ARFGEF3: variants seen among roughly 807,000 people sequenced by gnomAD.
ARFGEF3 encodes the protein brefeldin A-inhibited guanine nucleotide-exchange protein 3.
Under a neutral mutation model 221.7 loss-of-function variants are expected in ARFGEF3, and 96 were observed. The observed-to-expected ratio is 0.43, with a 90% CI of 0.37 to 0.51. The LOEUF (loss-of-function observed/expected upper bound fraction) is 0.51. ARFGEF3 is among the 20% of genes least tolerant of loss of function. The probability of loss-of-function intolerance (pLI) is 0.00; values close to 1 mark genes in which losing one functional copy is unlikely to be tolerated. For missense variants in ARFGEF3, 2,410 were observed against 2,789.9 expected (o/e 0.86, Z 3.07); for synonymous variants, 1,145 against 1,126.8 (o/e 1.02, Z -0.32).
chr6:138,189,322 A>G (rs1024965283), intron 2 of ARFGEF3, among the ~76,000 whole-genome samples: 2 of 152,228 alleles, frequency 1.3e-5, no homozygotes, highest in South Asian at 2.1e-4. Context: ...GTATTGACAC[A>G]TCATGTCACT....
intron 12 of ARFGEF3, among the ~76,000 whole-genome samples, chr6:138,271,291 A>G (rs560893061): frequency 1.9e-4 from 29 of 152,280 alleles, no homozygotes; most frequent in Admixed American, 1.5e-3. Context: ...ACGTAGTAAG[A>G]CCTCGTCTCT....
In ARFGEF3 at chr6:138,196,927, G is replaced by A. The variant is rs183742780; in HGVS notation, c.138-10115G>A. On this transcript the variant is annotated intron_variant, in intron 2 of 33. Coordinates refer to ENST00000251691, the MANE Select transcript of ARFGEF3 (RefSeq NM_020340.5). ...CGGCTCACCGCAACCTCCGCCTCCCGGGTTCAAACGATTCTCCTGCCTCAG... is the reference window on the plus strand; with the variant it reads ...CGGCTCACCGCAACCTCCGCCTCCCAGGTTCAAACGATTCTCCTGCCTCAG... Among the ~76,000 whole-genome samples, 395 of 151,706 alleles carry A rather than the reference G, an allele frequency of 2.6e-3. 1 individual carries two copies. Among genetic ancestry groups the A allele is most frequent in the Middle Eastern group, 0.01 (3 of 294 alleles).
intron 18 of ARFGEF3, 27 bp downstream of exon 18, chr6:138,289,995 T>G: frequency 6.3e-7 from 1 of 1,598,346 alleles, no homozygotes; most frequent in Non-Finnish European, 8.5e-7. Flanking sequence ...CACCCCCAGA[T>G]GGCACTAACC....
At chr6:138,251,283 G>A (rs1399496208) in intron 8 of ARFGEF3, among the ~76,000 whole-genome samples, 1 of 152,104 alleles carries the variant, frequency 6.6e-6, no homozygotes, top group Non-Finnish European at 1.5e-5. Flanking sequence ...AGTTGTTTTC[G>A]TTTTGTGATG....
chr6:138,301,828 C>T (rs1349890846), intron 22 of ARFGEF3, among the ~76,000 whole-genome samples: 3 of 152,166 alleles, frequency 2.0e-5, no homozygotes, highest in Non-Finnish European at 4.4e-5. Flanking sequence ...TTTCCACCCA[C>T]ATGATCAGCT....
intron 12 of ARFGEF3, among the ~76,000 whole-genome samples, chr6:138,268,589 G>GT (rs1373525933): frequency 2.0e-5 from 3 of 152,126 alleles, no homozygotes; most frequent in Non-Finnish European, 4.4e-5. Flanking sequence ...AATAAAGTAC[G>GT]TTTTTTATAA....
At chr6:138,266,279 G>T (rs1056595591) in intron 12 of ARFGEF3, among the ~76,000 whole-genome samples, 3 of 151,406 alleles carry the variant, frequency 2.0e-5, no homozygotes, top group Non-Finnish European at 4.4e-5. Context: ...AGGAAGGGAA[G>T]GGAAGGCAAG....
intron 10 of ARFGEF3, among the ~76,000 whole-genome samples, chr6:138,257,918 T>TA (rs1215886634): frequency 6.6e-6 from 1 of 152,216 alleles, no homozygotes; most frequent in Non-Finnish European, 1.5e-5. Flanking sequence ...GCTAAACAAA[T>TA]ATGTGGTGTA....
At chr6:138,306,858 C>T (rs1779733470) in intron 22 of ARFGEF3, among the ~76,000 whole-genome samples, 1 of 148,982 alleles carries the variant, frequency 6.7e-6, no homozygotes, top group Admixed American at 6.7e-5. Context: ...AACTTTTAAT[C>T]TTGAAAAGAC....
intron 5 of ARFGEF3, among the ~76,000 whole-genome samples, chr6:138,234,030 T>A (rs1778240604): frequency 6.6e-6 from 1 of 152,090 alleles, no homozygotes; most frequent in Non-Finnish European, 1.5e-5. Flanking sequence ...CTCTGAGGAG[T>A]CTGTTCTTTA....
In ARFGEF3 at chr6:138,334,303, C is replaced by T. The variant is rs1780279941; in HGVS notation, c.5457C>T (p.His1819=). 6 of 1,613,704 alleles carry T rather than the reference C, an allele frequency of 3.7e-6. No homozygotes were observed. The highest frequency in any genetic ancestry group is 5.1e-6 in the Non-Finnish European group (6 of 1,179,830). ...CGATGAGCTTTAACATTTATTTCCA[C>T]GCCCTGGTGTGTGCTGTTCTCACCA... ...QSAMSFNIYF[H]ALVCAVLTNQ... is the part of the protein sequence containing the mutation. The change falls in exon 33 of 34, where the codon CAC becomes CAT. Residue 1819 remains histidine, a synonymous_variant. Transcript: ENST00000251691. This position sits in a 1 kb window ranked among gnomAD's most constrained non-coding sequence, Gnocchi z 5.1.
intron 27 of ARFGEF3, among the ~76,000 whole-genome samples, chr6:138,318,307 G>C (rs574475101): frequency 6.6e-6 from 1 of 152,298 alleles, no homozygotes; most frequent in Admixed American, 6.5e-5. Flanking sequence ...GCCACTAAAT[G>C]TGTGTGAAGA....
intron 12 of ARFGEF3, among the ~76,000 whole-genome samples, chr6:138,264,750 A>G (rs947462841): frequency 1.3e-5 from 2 of 152,160 alleles, no homozygotes; most frequent in Non-Finnish European, 2.9e-5. Context: ...ACATGAAAAA[A>G]TTGTAGCCCA....
intron 22 of ARFGEF3, among the ~76,000 whole-genome samples, chr6:138,304,192 C>T (rs552102498): frequency 6.6e-5 from 10 of 152,112 alleles, no homozygotes; most frequent in Admixed American, 2.6e-4. Flanking sequence ...GATATATGTA[C>T]GACATGGATG....
chr6:138,251,515 A>G (rs1443077326), intron 8 of ARFGEF3, among the ~76,000 whole-genome samples: 2 of 152,168 alleles, frequency 1.3e-5, no homozygotes, highest in Non-Finnish European at 2.9e-5. Flanking sequence ...CAAATTGAAC[A>G]TTCTGAAATA....
At chr6:138,307,792 C>T (rs1779753449) in intron 23 of ARFGEF3, among the ~76,000 whole-genome samples, 1 of 152,150 alleles carries the variant, frequency 6.6e-6, no homozygotes. Context: ...ACCCATAAAG[C>T]ATGCCCAGGG....
intron 2 of ARFGEF3, among the ~76,000 whole-genome samples, chr6:138,180,804 A>G (rs756777456): frequency 2.6e-4 from 40 of 152,226 alleles, no homozygotes; most frequent in Non-Finnish European, 4.9e-4. Flanking sequence ...TCCTGAGATC[A>G]GGCTTGCCAT....
rs1333668831 is a variant in ARFGEF3, at chr6:138,317,387, T to C, written c.4474+8T>C. 1.1e-5 allele frequency: 18 copies of C among 1,613,876 alleles called. No individual in the cohort carries two copies. The highest frequency in any genetic ancestry group is 1.5e-5 in the Non-Finnish European group (18 of 1,179,862). On this transcript the variant is annotated splice_region_variant and intron_variant, in intron 27 of 33. Coordinates refer to ENST00000251691, the MANE Select transcript of ARFGEF3 (RefSeq NM_020340.5). ...ATGTGACGAAAACACCAGGTAAATA[T>C]TTCTGTGTCCGTCTTTTGGGGGAGT...
intron 19 of ARFGEF3, among the ~76,000 whole-genome samples, chr6:138,292,330 T>A (rs1385000012): frequency 6.6e-6 from 1 of 151,830 alleles, no homozygotes; most frequent in East Asian, 2.0e-4. Flanking sequence ...CCTGCCTGGC[T>A]TCTCCATTGG....
Sources: gnomAD v4.1 joint callset for allele counts (sites outside exome capture counted in the v4.1 genomes callset) on GRCh38, gnomAD v4.1.1 for gene constraint, Gnocchi (gnomAD v3.1) non-coding constraint, MANE v1.5 for transcripts, NCBI Gene and HGNC (gene_info 2026-07-23, HGNC 2026-07-21) for gene names.